TXNL4A: variants seen among roughly 807,000 people sequenced by gnomAD.
TXNL4A encodes the protein thioredoxin-like protein 4A.
TXNL4A carries 17 observed loss-of-function variants against 14.6 expected under a neutral mutation model. The ratio of observed to expected loss-of-function variants is 1.16; its 90% CI spans 0.80 to 1.74. TXNL4A has a LOEUF of 1.74. Ranked by LOEUF, TXNL4A falls within the 40% of genes most tolerant of loss-of-function variation. The pLI is 0.00. For synonymous variants in TXNL4A, 83 were observed against 70.6 expected, an observed-to-expected ratio of 1.18 and a Z score of -0.88; for missense variants, 74 against 195.2, an observed-to-expected ratio of 0.38 and a Z score of 3.70.
At chr18:80,019,689 C>T (rs1264811799) in intron 1 of TXNL4A, among the ~76,000 whole-genome samples, 1 of 152,164 alleles carries the variant, frequency 6.6e-6, no homozygotes, top group Non-Finnish European at 1.5e-5. Context: ...TTCTTAGTCT[C>T]CAGATCTCTG....
intron 1 of TXNL4A, among the ~76,000 whole-genome samples, chr18:80,032,160 T>G (rs1330266053): frequency 6.6e-6 from 1 of 152,140 alleles, no homozygotes; most frequent in African/African-American, 2.4e-5. Flanking sequence ...TCCTCCCTAT[T>G]TTTTATCTTC....
At chr18:80,017,327 C>G (rs1211323567) in intron 1 of TXNL4A, among the ~76,000 whole-genome samples, 1 of 152,110 alleles carries the variant, frequency 6.6e-6, no homozygotes, top group Non-Finnish European at 1.5e-5. Context: ...ATTTGACTAC[C>G]TCTTTTCCTA....
At position 80,007,725 on chromosome 18, in the gene TXNL4A, C is replaced by T. The variant is rs535325549; in HGVS notation, c.-61+26126G>A. ...GAGGGCCTCTCTCTTCCCTCACCCT[C>T]ACTAACTGCCTAAATGATTTCTTTC... On this transcript the variant is annotated intron_variant, in intron 1 of 2. Transcript: ENST00000585474. 8.3e-4 allele frequency among the ~76,000 whole-genome samples: 126 copies of T among 152,224 alleles called. 3 individuals carry two copies. The highest frequency in any genetic ancestry group is 5.9e-4 in the Non-Finnish European group (40 of 68,006).
intron 2 of TXNL4A, among the ~76,000 whole-genome samples, chr18:79,975,557 C>T (rs1375568386): frequency 1.3e-5 from 2 of 152,182 alleles, no homozygotes; most frequent in Non-Finnish European, 2.9e-5. Context: ...CTAAGACGGC[C>T]CTCCCTGTTC....
At chr18:80,014,301 G>A (rs1053938295) in intron 1 of TXNL4A, among the ~76,000 whole-genome samples, 1 of 151,592 alleles carries the variant, frequency 6.6e-6, no homozygotes, top group Non-Finnish European at 1.5e-5. Context: ...CAGAAACACA[G>A]CAAGTCCCTT....
intron 1 of TXNL4A, among the ~76,000 whole-genome samples, chr18:80,003,665 T>C (rs1187132646): frequency 6.6e-6 from 1 of 152,188 alleles, no homozygotes; most frequent in Non-Finnish European, 1.5e-5. Flanking sequence ...AGCATTATTT[T>C]ATTGGAGATG....
At chr18:79,986,769 A>C (rs997129520) in intron 1 of TXNL4A, 17 of 985,480 alleles carry the variant, frequency 1.7e-5, no homozygotes, top group Non-Finnish European at 1.8e-5. Context: ...TAGAACAGTG[A>C]AAGATTCTAG....
At chr18:80,017,796 T>C (rs1326019513) in intron 1 of TXNL4A, among the ~76,000 whole-genome samples, 3 of 152,184 alleles carry the variant, frequency 2.0e-5, no homozygotes, top group Non-Finnish European at 4.4e-5. Context: ...TACATCAATG[T>C]TCATCACGGA....
At chr18:79,996,065 CT>C (rs2051659105) in intron 1 of TXNL4A, among the ~76,000 whole-genome samples, 1 of 128,362 alleles carries the variant, frequency 7.8e-6, no homozygotes, top group African/African-American at 2.9e-5. Context: ...CATCGCGCCA[CT>C]GCACTCCAGC....
At chr18:79,992,539 A>G (rs2051634694), upstream of TXNL4A, among the ~76,000 whole-genome samples, 1 of 152,106 alleles carries the variant, frequency 6.6e-6, no homozygotes, top group Non-Finnish European at 1.5e-5. Context: ...CATTAAGCCA[A>G]AGGGAAAAGT....
chr18:79,998,784 T>C (rs938849884), intron 1 of TXNL4A, among the ~76,000 whole-genome samples: 1 of 151,066 alleles, frequency 6.6e-6, no homozygotes, highest in Admixed American at 6.6e-5. Flanking sequence ...GCTTGTACCA[T>C]CTTCCAATAT....
intron 1 of TXNL4A, among the ~76,000 whole-genome samples, chr18:80,013,950 G>C (rs2051789666): frequency 6.6e-6 from 1 of 152,182 alleles, no homozygotes; most frequent in Non-Finnish European, 1.5e-5. Context: ...TTCTTACATG[G>C]TGGCAGCAAG....
chr18:79,983,042 C>T (rs1035611096), intron 1 of TXNL4A, among the ~76,000 whole-genome samples: 1 of 152,122 alleles, frequency 6.6e-6, no homozygotes, highest in African/African-American at 2.4e-5. Flanking sequence ...ACTTTGTCAC[C>T]CAGGCTGGAG....
At chr18:79,977,533 C>A (rs759499936) in intron 2 of TXNL4A, 65 bp downstream of exon 2, 1 of 1,325,488 alleles carries the variant, frequency 7.5e-7, no homozygotes, top group South Asian at 1.3e-5. Context: ...CTAAAGAGAT[C>A]TTGATTACAT....
intron 1 of TXNL4A, among the ~76,000 whole-genome samples, chr18:80,021,553 G>A (rs2051849374): frequency 1.3e-5 from 2 of 152,248 alleles, no homozygotes; most frequent in South Asian, 4.2e-4. Context: ...GCACTTGTTA[G>A]GTTTAAAACT....
chr18:79,981,627 G>A (rs759343298), intron 1 of TXNL4A, among the ~76,000 whole-genome samples: 17 of 152,314 alleles, frequency 1.1e-4, no homozygotes, highest in Middle Eastern at 3.4e-3. Flanking sequence ...AGCTGAGACC[G>A]TGCCACTGCA....
chr18:79,985,074 CA>C (rs1355307531), intron 1 of TXNL4A, among the ~76,000 whole-genome samples: 3 of 151,838 alleles, frequency 2.0e-5, no homozygotes, highest in Non-Finnish European at 4.4e-5. Flanking sequence ...GGTGTTCCTA[CA>C]AAATGGAAAG....
intron 1 of TXNL4A, among the ~76,000 whole-genome samples, chr18:79,981,986 G>C (rs1383603964): frequency 6.6e-6 from 1 of 152,224 alleles, no homozygotes; most frequent in Non-Finnish European, 1.5e-5. Flanking sequence ...GGCTCAGAAA[G>C]GTCACGTGAG....
At chr18:80,033,152 T>G (rs1352406607) in intron 1 of TXNL4A, among the ~76,000 whole-genome samples, 1 of 152,202 alleles carries the variant, frequency 6.6e-6, no homozygotes, top group African/African-American at 2.4e-5. Flanking sequence ...CGTCGTTTTC[T>G]TCGATTGACA....
Sources: gnomAD v4.1 joint callset for allele counts (sites outside exome capture counted in the v4.1 genomes callset) on GRCh38, gnomAD v4.1.1 for gene constraint, MANE v1.5 for transcripts, NCBI Gene and HGNC (gene_info 2026-07-23, HGNC 2026-07-21) for gene names.